Variants in ABR observed in about 807,000 individuals in gnomAD.
ABR encodes ABR activator of RhoGEF and GTPase.
ABR carries 35 observed loss-of-function variants against 107.2 expected under a neutral mutation model. The ratio of observed to expected loss-of-function variants is 0.33; its 90% CI spans 0.25 to 0.43. ABR has a LOEUF of 0.43. Among genes scored for constraint, ABR ranks in the 20% least tolerant of loss-of-function variants. The pLI, the probability that ABR is intolerant of heterozygous loss-of-function variation, is 1.00. For missense variants in ABR, 815 were observed against 1,115.2 expected (o/e 0.73, Z 3.83); for synonymous variants, 498 against 462.0 (o/e 1.08, Z -1.00).
chr17:1,180,716 C>T (rs566428175), upstream of ABR, among the ~76,000 whole-genome samples: 1 of 152,196 alleles, frequency 6.6e-6, no homozygotes, highest in Non-Finnish European at 1.5e-5. Flanking sequence ...GGTGGGAAGT[C>T]GGGTCAAGAG....
chr17:1,121,226 G>C (rs55903330), intron 2 of ABR, among the ~76,000 whole-genome samples: 1 of 152,258 alleles, frequency 6.6e-6, no homozygotes, highest in East Asian at 1.9e-4. Flanking sequence ...GTGGAAGGGC[G>C]TGCTGGGGAG....
intron 2 of ABR, among the ~76,000 whole-genome samples, chr17:1,109,445 C>G (rs1305862107): frequency 6.6e-6 from 1 of 152,028 alleles, no homozygotes; most frequent in African/African-American, 2.4e-5. Flanking sequence ...ACACAGGAAA[C>G]GCGCGTCGCG....
intron 16 of ABR, among the ~76,000 whole-genome samples, chr17:1,046,372 G>C (rs183979761): frequency 4.7e-5 from 6 of 127,544 alleles, no homozygotes; most frequent in Admixed American, 2.9e-4. Context: ...TCCCGACCTT[G>C]TAATCCGCCC....
At chr17:1,224,836 G>T (rs1171238142) in intron 1 of ABR, among the ~76,000 whole-genome samples, 1 of 152,112 alleles carries the variant, frequency 6.6e-6, no homozygotes, top group Non-Finnish European at 1.5e-5. Context: ...CACCACAACT[G>T]ACTGATTCTT....
At position 1,027,220 on chromosome 17, in the gene ABR, C is replaced by A. The variant is rs1456485892; in HGVS notation, c.1792-14056G>T. ...TCCCTGGTCCAGAGCCATCCAAAAG[C>A]TGGGGCACCGCGCCCAGCACCGCTG... On this transcript the variant is annotated intron_variant, in intron 16 of 22. Coordinates refer to ENST00000302538, the MANE Select transcript of ABR (RefSeq NM_021962.5). The surrounding 1 kb of genome is among the most constrained non-coding windows in gnomAD (Gnocchi z 4.7). Among the ~76,000 whole-genome samples, 1 of 152,200 alleles carries A rather than the reference C, an allele frequency of 6.6e-6. No individual in the cohort carries two copies. The highest frequency in any genetic ancestry group is 1.5e-5 in the Non-Finnish European group (1 of 68,030).
intron 3 of ABR, among the ~76,000 whole-genome samples, chr17:1,097,160 C>A (rs1597794602): frequency 6.6e-6 from 1 of 152,146 alleles, no homozygotes; most frequent in African/African-American, 2.4e-5. Flanking sequence ...CTAAGGGCTC[C>A]GTGTCTGATG....
At chr17:1,117,815 T>C (rs1597875764) in intron 2 of ABR, among the ~76,000 whole-genome samples, 1 of 71,656 alleles carries the variant, frequency 1.4e-5, no homozygotes, top group East Asian at 3.4e-4. Context: ...GCCTGAGTCC[T>C]CCCAGCGTTA....
rs1422990553 is a variant in ABR, at chr17:1,071,282, A to G, written c.895-1192T>C. Reference sequence around the variant, plus strand: ...GCTGCACATCAGCACCAGGAGCCGCACGGAATCGGCTCTCTCTGCCCAGTG... The same window carrying G: ...GCTGCACATCAGCACCAGGAGCCGCGCGGAATCGGCTCTCTCTGCCCAGTG... On this transcript the variant is annotated intron_variant, in intron 8 of 22. Transcript: ENST00000302538. This position sits in a 1 kb window ranked among gnomAD's most constrained non-coding sequence, Gnocchi z 5.1. Among the ~76,000 whole-genome samples, 1 of 152,122 alleles carries G rather than the reference A, an allele frequency of 6.6e-6. No homozygotes were observed.
At chr17:1,083,671 GGGAGA>G in intron 4 of ABR, 44 bp from the exon 5 acceptor site, 1 of 1,434,876 alleles carries the variant, frequency 7.0e-7, no homozygotes, top group Non-Finnish European at 9.8e-7. Context: ...AGGGTGGGAG[GGGAGA>G]GGATTAATGA....
At chr17:1,007,444 AGTGGGGACCTCCCC>A in intron 21 of ABR, 132 bp from the exon 22 acceptor site, 1 of 1,080,746 alleles carries the variant, frequency 9.3e-7, no homozygotes, top group Non-Finnish European at 1.3e-6. Flanking sequence ...GTCTCCTAGG[AGTGGGGACCTCCCC>A]CGGGGGAAGG....
intron 2 of ABR, among the ~76,000 whole-genome samples, chr17:1,105,020 T>G (rs1267878418): frequency 6.7e-6 from 1 of 149,524 alleles, no homozygotes; most frequent in Non-Finnish European, 1.5e-5. Context: ...TTTTTTTTTT[T>G]TTTTTTGAGA....
intron 1 of ABR, among the ~76,000 whole-genome samples, chr17:1,135,630 C>A (rs1215836751): frequency 1.3e-5 from 2 of 152,142 alleles, no homozygotes; most frequent in Non-Finnish European, 2.9e-5. Context: ...AATCCCAGCA[C>A]TGTGGGAGGC....
chr17:1,153,487 T>C (rs1486450460), intron 1 of ABR, among the ~76,000 whole-genome samples: 1 of 113,216 alleles, frequency 8.8e-6, no homozygotes, highest in East Asian at 2.7e-4. Context: ...CAGGCACACC[T>C]ACGGGAGGGC....
chr17:1,113,806 G>A (rs559236751), intron 2 of ABR, among the ~76,000 whole-genome samples: 46 of 152,176 alleles, frequency 3.0e-4, no homozygotes, highest in African/African-American at 3.9e-4. Context: ...GTCTCCTCTG[G>A]TTCCCTCTGA....
At chr17:1,155,708 G>A (rs2041012147) in intron 1 of ABR, among the ~76,000 whole-genome samples, 1 of 152,122 alleles carries the variant, frequency 6.6e-6, no homozygotes, top group Admixed American at 6.5e-5. Flanking sequence ...GCTCACACCT[G>A]CAATCCCAGC....
rs141734323 is a variant in ABR, at chr17:1,124,781, G to T, written c.246+402C>A. Among the ~76,000 whole-genome samples the T allele has an allele frequency of 1.8e-3, 279 of 152,326 alleles. 2 individuals carry two copies. Among genetic ancestry groups the T allele is most frequent in the Middle Eastern group, 6.8e-3 (2 of 294 alleles). ...CCAGGCCCAGGCTGGCTTTGCGGGA[G>T]CAGCATCTGAACACCTGGAGCCCAC... On this transcript the variant is annotated intron_variant, in intron 2 of 22. Coordinates refer to ENST00000302538, the MANE Select transcript of ABR (RefSeq NM_021962.5).
rs1411306848 is a variant in ABR at position 1,200,405 on chromosome 17, G to T, written c.838+28388C>A. Among the ~76,000 whole-genome samples the T allele has an allele frequency of 6.6e-6, 1 of 151,984 alleles. No individual in the cohort carries two copies. Among genetic ancestry groups the T allele is most frequent in the African/African-American group, 2.4e-5 (1 of 41,372 alleles). On this transcript the variant is annotated intron_variant, in intron 1 of 22. Transcript: ENST00000574139. This position sits in a 1 kb window ranked among gnomAD's most constrained non-coding sequence, Gnocchi z 4.1. ...AAATTTTTTTAAATAAAGTCTATGG[G>T]AGACGTGATTAGGTTACATGTAACT...
At chr17:1,209,401 C>T (rs1293039359) in intron 1 of ABR, among the ~76,000 whole-genome samples, 1 of 152,068 alleles carries the variant, frequency 6.6e-6, no homozygotes, top group Non-Finnish European at 1.5e-5. Context: ...CTCAGCCTCC[C>T]AAGTAGCTGG....
Position 1,157,148 on chromosome 17 carries a change from G to A in ABR, c.61+22519C>T, listed in dbSNP as rs1341191399. On this transcript the variant is annotated intron_variant, in intron 1 of 22. Transcript: ENST00000302538. This position sits in a 1 kb window ranked among gnomAD's most constrained non-coding sequence, Gnocchi z 4.7. ...CAGATAGGTCAGATGACTGGCCCAA[G>A]GTCACACAGCTGCTGAGTGGCAAAG... is the stretch of plus-strand genomic sequence containing the variant. 6.6e-6 allele frequency among the ~76,000 whole-genome samples: 1 copy of A among 152,130 alleles called. No individual in the cohort carries two copies. Among genetic ancestry groups the A allele is most frequent in the Non-Finnish European group, 1.5e-5 (1 of 68,042 alleles).
Sources: allele counts gnomAD v4.1 joint callset (sites outside exome capture counted in the v4.1 genomes callset), GRCh38; gene constraint gnomAD v4.1.1; non-coding constraint Gnocchi (gnomAD v3.1); transcripts MANE v1.5; gene names NCBI Gene and HGNC (gene_info 2026-07-23, HGNC 2026-07-21).